LPP: variants seen among roughly 807,000 people sequenced by gnomAD.
LPP encodes the protein lipoma-preferred partner.
Under a neutral mutation model 60.4 loss-of-function variants are expected in LPP, and 38 were observed. The ratio of observed to expected loss-of-function variants is 0.63; its 90% CI spans 0.49 to 0.83. The LOEUF (loss-of-function observed/expected upper bound fraction) is 0.83. Ranked by LOEUF, LPP falls within the 40% of genes least tolerant of loss-of-function variation. LPP has a pLI of 0.00. For synonymous variants in LPP, 328 were observed against 290.8 expected (o/e 1.13, Z -1.30); for missense variants, 902 against 783.6 (o/e 1.15, Z -1.80).
At chr3:188,259,596 T>C (rs1732863705) in intron 2 of LPP, among the ~76,000 whole-genome samples, 1 of 152,262 alleles carries the variant, frequency 6.6e-6, no homozygotes, top group South Asian at 2.1e-4. Context: ...CTTCTACTAC[T>C]GTAAGCTTCT....
chr3:188,540,394 C>A (rs1824836305), intron 6 of LPP, among the ~76,000 whole-genome samples: 1 of 152,122 alleles, frequency 6.6e-6, no homozygotes, highest in Non-Finnish European at 1.5e-5. Flanking sequence ...TTGTTATATG[C>A]AAACATAAGG....
At chr3:188,553,692 A>G (rs190880621) in intron 6 of LPP, 1 of 152,362 alleles carries the variant, frequency 6.6e-6, no homozygotes, top group Admixed American at 6.5e-5. Flanking sequence ...AAATTGGAAG[A>G]TTCTCTTGAT....
intron 9 of LPP, among the ~76,000 whole-genome samples, chr3:188,787,820 G>A (rs944911406): frequency 6.6e-5 from 10 of 151,916 alleles, no homozygotes; most frequent in Non-Finnish European, 1.2e-4. Flanking sequence ...ATCTGCTTCC[G>A]TGAGTACAAA....
At chr3:188,708,932 T>C (rs1295892460) in intron 8 of LPP, 2 of 153,230 alleles carry the variant, frequency 1.3e-5, no homozygotes, top group Admixed American at 6.5e-5. Flanking sequence ...TTTTGACAAC[T>C]TATTAGCTTC....
chr3:188,850,923 A>T (rs909855081), intron 9 of LPP, among the ~76,000 whole-genome samples: 1 of 152,244 alleles, frequency 6.6e-6, no homozygotes, highest in Admixed American at 6.5e-5. Flanking sequence ...TTCCAATAAA[A>T]AGAAGACTAA....
intron 6 of LPP, among the ~76,000 whole-genome samples, chr3:188,608,871 A>G (rs556056375): frequency 3.5e-4 from 53 of 152,278 alleles, no homozygotes; most frequent in African/African-American, 1.2e-3. Flanking sequence ...TTTTCAGTAT[A>G]TAATCTTTCT....
intron 1 of LPP, among the ~76,000 whole-genome samples, chr3:188,161,096 C>T (rs1374871101): frequency 1.3e-5 from 2 of 152,028 alleles, no homozygotes; most frequent in Non-Finnish European, 2.9e-5. Context: ...ATGGGGCTGG[C>T]TAGGGAGGGT....
At chr3:188,421,078 C>T (rs1325196804) in intron 4 of LPP, among the ~76,000 whole-genome samples, 1 of 152,026 alleles carries the variant, frequency 6.6e-6, no homozygotes, top group Non-Finnish European at 1.5e-5. Flanking sequence ...GGTGGCTTGC[C>T]CCAGACCATA....
rs60403678 is a variant in LPP at position 188,501,048 on chromosome 3, T to C, written c.306+16344T>C. 4.3e-3 allele frequency among the ~76,000 whole-genome samples: 650 copies of C among 152,214 alleles called. 2 individuals are homozygous for C. The highest frequency in any genetic ancestry group is 0.015 in the African/African-American group (623 of 41,546). On this transcript the variant is annotated intron_variant, in intron 5 of 11. Coordinates refer to ENST00000617246, the MANE Select transcript of LPP (RefSeq NM_001375462.1). The stretch of plus-strand genomic sequence containing the variant: ...ATTTTTCTATTCTCCATTCTACTTA[T>C]TTCTACTCTTATCTTTATTATTTCT...
intron 1 of LPP, among the ~76,000 whole-genome samples, chr3:188,222,528 C>T (rs1390647437): frequency 6.6e-6 from 1 of 152,164 alleles, no homozygotes; most frequent in East Asian, 1.9e-4. Context: ...ATCCTTTACA[C>T]AAGTCCAATA....
chr3:188,748,379 A>G (rs996539613), intron 8 of LPP, among the ~76,000 whole-genome samples: 5 of 152,186 alleles, frequency 3.3e-5, no homozygotes, highest in Admixed American at 1.3e-4. Flanking sequence ...AATGGGTAAA[A>G]TAGCTTACTC....
intron 2 of LPP, among the ~76,000 whole-genome samples, chr3:188,276,721 C>G (rs1475223886): frequency 7.0e-6 from 1 of 142,546 alleles, no homozygotes; most frequent in Non-Finnish European, 1.5e-5. Flanking sequence ...CTCTCTCTCT[C>G]TCTGTCTGTC....
intron 3 of LPP, among the ~76,000 whole-genome samples, chr3:188,374,028 C>T (rs1284822295): frequency 1.3e-5 from 2 of 152,094 alleles, no homozygotes; most frequent in African/African-American, 4.8e-5. Context: ...AGATATGCGG[C>T]ATTATTTCTG....
rs573307737 is a variant in LPP, at chr3:188,320,499, A to G, written c.-66-21164A>G. ...GGCCTGTCTCAGAAACCACATCTCC[A>G]ATAGAAAGGAGAACACTTGGGAAAG... On this transcript the variant is annotated intron_variant, in intron 2 of 11. Transcript: ENST00000617246. Among the ~76,000 whole-genome samples, 3 of 152,294 alleles carry G rather than the reference A, an allele frequency of 2.0e-5. No homozygotes were observed. The East Asian group carries it at 5.8e-4, about 29-fold the overall frequency.
At chr3:188,561,574 T>C (rs74600039) in intron 6 of LPP, among the ~76,000 whole-genome samples, 87 of 152,170 alleles carry the variant, frequency 5.7e-4, no homozygotes, top group African/African-American at 2.0e-3. Context: ...CTACCAATTA[T>C]TTGGAATGTG....
intron 2 of LPP, among the ~76,000 whole-genome samples, chr3:188,332,951 T>C (rs983914292): frequency 1.4e-5 from 2 of 143,848 alleles, no homozygotes; most frequent in Admixed American, 6.9e-5. Flanking sequence ...TATTTTTCCT[T>C]CTTCTTTTCA....
chr3:188,853,496 G>A (rs1560296003), intron 9 of LPP, among the ~76,000 whole-genome samples: 1 of 152,186 alleles, frequency 6.6e-6, no homozygotes, highest in Non-Finnish European at 1.5e-5. Context: ...AACAGCAGGT[G>A]GAAAGGCATG....
At chr3:188,754,046 A>C (rs1219866942) in intron 8 of LPP, among the ~76,000 whole-genome samples, 3 of 152,198 alleles carry the variant, frequency 2.0e-5, no homozygotes, top group African/African-American at 7.2e-5. Flanking sequence ...AGTCCCAAGA[A>C]AATAGTGAGA....
Position 188,240,493 on chromosome 3 carries a change from T to C in LPP, c.-67+14966T>C, listed in dbSNP as rs112088997. On this transcript the variant is annotated intron_variant, in intron 2 of 11. Transcript: ENST00000617246. Reference sequence around the variant, plus strand: ...ATTTCTGAGTTGGAAGGAAGTCTTATACGTACTGAATTTGACTGCTTTATT... The same window carrying C: ...ATTTCTGAGTTGGAAGGAAGTCTTACACGTACTGAATTTGACTGCTTTATT... Among the ~76,000 whole-genome samples the C allele has an allele frequency of 8.2e-3, 1,243 of 152,202 alleles. 17 individuals are homozygous for C. Among genetic ancestry groups the C allele is most frequent in the African/African-American group, 0.028 (1,142 of 41,514 alleles).
Sources: allele counts gnomAD v4.1 joint callset (sites outside exome capture counted in the v4.1 genomes callset), GRCh38; gene constraint gnomAD v4.1.1; transcripts MANE v1.5; gene names NCBI Gene and HGNC (gene_info 2026-07-23, HGNC 2026-07-21).